KDM4B: variants seen among roughly 807,000 people sequenced by gnomAD.
KDM4B encodes the protein lysine demethylase 4B.
Under a neutral mutation model 125.2 loss-of-function variants are expected in KDM4B, and 32 were observed. That is an observed-to-expected ratio of 0.26 (90% CI 0.19 to 0.34). The LOEUF (loss-of-function observed/expected upper bound fraction) is 0.34, where lower values mean the gene tolerates loss of function less well. KDM4B is among the 10% of genes least tolerant of loss of function. The probability of loss-of-function intolerance (pLI) is 1.00; values close to 1 mark genes in which losing one functional copy is unlikely to be tolerated. For missense variants in KDM4B, 1,190 were observed against 1,577.7 expected (o/e 0.75, Z 4.16); for synonymous variants, 721 against 677.9 (o/e 1.06, Z -0.99).
At chr19:5,098,551 G>A (rs990792577) in intron 9 of KDM4B, among the ~76,000 whole-genome samples, 6 of 152,144 alleles carry the variant, frequency 3.9e-5, no homozygotes, top group Non-Finnish European at 5.9e-5. Context: ...CTGGCAGCAC[G>A]AGGTTGGTCC....
chr19:4,973,019 C>T (rs1301817347), intron 1 of KDM4B, among the ~76,000 whole-genome samples: 1 of 152,126 alleles, frequency 6.6e-6, no homozygotes, highest in East Asian at 1.9e-4. Flanking sequence ...CTTGGCTGCC[C>T]CCAGGGGTGG....
rs554794368 is a variant in KDM4B at position 5,135,665 on chromosome 19, C to T, written c.2308+104C>T. 27 of 989,612 alleles carry T rather than the reference C, an allele frequency of 2.7e-5. No individual in the cohort carries two copies. The African/African-American group carries it at 4.2e-4, about 16-fold the overall frequency. The allele number at this position is 989,612 out of a possible 1,614,324, so 61.3% of individuals were successfully genotyped here. On this transcript the variant is annotated intron_variant, in intron 15 of 22. Transcript: ENST00000159111. Reference sequence around the variant, plus strand: ...TCCCCTGCGGAGGGCCACACCGGCCCCTCTCCCCAGGCTGCACTTTCAGGG... The same window carrying T: ...TCCCCTGCGGAGGGCCACACCGGCCTCTCTCCCCAGGCTGCACTTTCAGGG...
chr19:5,087,350 C>T (rs1486729756), intron 9 of KDM4B, among the ~76,000 whole-genome samples: 2 of 152,168 alleles, frequency 1.3e-5, no homozygotes, highest in South Asian at 2.1e-4. Flanking sequence ...GGGGGAGGTA[C>T]GGCTGTGTCC....
At chr19:5,049,010 CGGGGGTTGCTGGCT>C (rs2145714728) in intron 6 of KDM4B, among the ~76,000 whole-genome samples, 1 of 152,070 alleles carries the variant, frequency 6.6e-6, no homozygotes, top group African/African-American at 2.4e-5. Context: ...TGAGGGGCCC[CGGGGGTTGCTGGCT>C]GTCGTGGGAG....
intron 2 of KDM4B, among the ~76,000 whole-genome samples, chr19:5,025,443 G>C (rs1226346937): frequency 6.6e-6 from 1 of 152,256 alleles, no homozygotes; most frequent in African/African-American, 2.4e-5. Context: ...AGTGGGGCCT[G>C]GGGTACCCAT....
chr19:5,122,431 G>T (rs568204623), intron 11 of KDM4B, among the ~76,000 whole-genome samples: 1 of 152,350 alleles, frequency 6.6e-6, no homozygotes, highest in Admixed American at 6.5e-5. Context: ...TAAGGATGCA[G>T]ATGCCTTTGG....
intron 21 of KDM4B, among the ~76,000 whole-genome samples, chr19:5,149,537 C>T (rs1011944615): frequency 3.3e-5 from 5 of 152,296 alleles, no homozygotes; most frequent in South Asian, 2.1e-4. Flanking sequence ...TGGAGCAGAA[C>T]GGCAGTCAGG....
chr19:5,117,398 C>T (rs1246885662), intron 10 of KDM4B, among the ~76,000 whole-genome samples: 1 of 152,078 alleles, frequency 6.6e-6, no homozygotes, highest in African/African-American at 2.4e-5. Context: ...AGGTGAGCGG[C>T]ATGGGAGGGC....
intron 2 of KDM4B, among the ~76,000 whole-genome samples, chr19:5,026,305 G>C (rs781359218): frequency 3.4e-5 from 5 of 147,556 alleles, no homozygotes; most frequent in Admixed American, 6.7e-5. Context: ...GATTACAGGC[G>C]TGAGCCACCA....
chr19:5,034,881 C>T (rs898241078), intron 3 of KDM4B, among the ~76,000 whole-genome samples: 1 of 152,196 alleles, frequency 6.6e-6, no homozygotes, highest in South Asian at 2.1e-4. Flanking sequence ...TGCTGGGGTG[C>T]AGTGCTGCGA....
intron 1 of KDM4B, among the ~76,000 whole-genome samples, chr19:4,984,414 A>T (rs768884589): frequency 6.6e-6 from 1 of 152,140 alleles, no homozygotes; most frequent in Non-Finnish European, 1.5e-5. Flanking sequence ...CAACTTGAAA[A>T]TAATAGTTTT....
At chr19:5,080,293 G>T (rs1485486614) in intron 8 of KDM4B, among the ~76,000 whole-genome samples, 1 of 152,228 alleles carries the variant, frequency 6.6e-6, no homozygotes, top group African/African-American at 2.4e-5. Flanking sequence ...TGGCTTATTG[G>T]CGACTTCAGT....
intron 2 of KDM4B, among the ~76,000 whole-genome samples, chr19:5,022,158 G>A (rs1027522519): frequency 4.0e-4 from 61 of 152,282 alleles, no homozygotes; most frequent in African/African-American, 1.3e-3. Context: ...TCCTTGTGAG[G>A]GTTTTGTCTG....
At chr19:4,995,814 T>C (rs1174841949) in intron 1 of KDM4B, among the ~76,000 whole-genome samples, 1 of 152,116 alleles carries the variant, frequency 6.6e-6, no homozygotes, top group East Asian at 1.9e-4. Flanking sequence ...GCGTGTGAAC[T>C]ACAAATGTCC....
At position 5,082,530 on chromosome 19, in the gene KDM4B, G is replaced by T. The variant is rs778993275; in HGVS notation, c.918+26G>T. 3 of 1,560,394 alleles carry T rather than the reference G, an allele frequency of 1.9e-6. No individual in the cohort carries two copies. The highest frequency in any genetic ancestry group is 4.5e-5 in the East Asian group (2 of 44,230). ...GTAAAAGCTTGCCTGCTGGGAACGG[G>T]TCCCAGCAGGGCGGGAGGAGGCTCT... On this transcript the variant is annotated intron_variant, in intron 9 of 22. Transcript: ENST00000159111. This position sits in a 1 kb window ranked among gnomAD's most constrained non-coding sequence, Gnocchi z 5.4.
chr19:5,053,858 G>A (rs1005149256), intron 6 of KDM4B, among the ~76,000 whole-genome samples: 22 of 152,266 alleles, frequency 1.4e-4, no homozygotes, highest in African/African-American at 5.3e-4. Context: ...CAGGGGCCCA[G>A]CGTCCCGGCT....
chr19:5,029,620 C>A (rs918170992), intron 2 of KDM4B, among the ~76,000 whole-genome samples: 1 of 152,028 alleles, frequency 6.6e-6, no homozygotes, highest in Non-Finnish European at 1.5e-5. Flanking sequence ...TCAGGCCAGG[C>A]GTTTATTAGC....
intron 2 of KDM4B, among the ~76,000 whole-genome samples, chr19:5,022,799 G>T (rs984456234): frequency 3.9e-5 from 6 of 152,084 alleles, no homozygotes; most frequent in African/African-American, 1.4e-4. Flanking sequence ...TTTACCCGAG[G>T]TGTGCCGGGC....
intron 6 of KDM4B, among the ~76,000 whole-genome samples, chr19:5,047,956 A>G (rs1391817799): frequency 2.0e-5 from 3 of 152,186 alleles, no homozygotes; most frequent in Non-Finnish European, 4.4e-5. Flanking sequence ...CCCCATGGCC[A>G]GGAGCGTGGT....
Sources: allele counts gnomAD v4.1 joint callset (sites outside exome capture counted in the v4.1 genomes callset), GRCh38; gene constraint gnomAD v4.1.1; non-coding constraint Gnocchi (gnomAD v3.1); transcripts MANE v1.5; gene names NCBI Gene and HGNC (gene_info 2026-07-23, HGNC 2026-07-21).